Variants in AIM2 observed in about 807,000 individuals in gnomAD.
AIM2 encodes the protein interferon-inducible protein AIM2.
AIM2 carries 30 observed loss-of-function variants against 27.7 expected under a neutral mutation model. The observed-to-expected ratio is 1.08, with a 90% CI of 0.81 to 1.47. The LOEUF is 1.47. AIM2 is among the 40% of genes most tolerant of loss of function. AIM2 has a pLI of 0.00. For missense variants in AIM2, 358 were observed against 411.3 expected (o/e 0.87, Z 1.12); for synonymous variants, 141 against 145.3 (o/e 0.97, Z 0.21).
intron 1 of AIM2, among the ~76,000 whole-genome samples, chr1:159,119,007 C>A (rs1274514577): frequency 6.6e-6 from 1 of 152,092 alleles, no homozygotes; most frequent in Non-Finnish European, 1.5e-5. Context: ...GTGCTTTGTT[C>A]CAGTCCCTAG....
intron 1 of AIM2, among the ~76,000 whole-genome samples, chr1:159,088,362 G>C (rs1656965719): frequency 6.6e-6 from 1 of 152,206 alleles, no homozygotes; most frequent in Non-Finnish European, 1.5e-5. Flanking sequence ...GGAGCTGCAT[G>C]AGTCAGCTGG....
the AIM2 span, among the ~76,000 whole-genome samples, chr1:159,057,252 T>C: frequency 6.7e-6 from 1 of 149,210 alleles, no homozygotes; most frequent in Non-Finnish European, 1.5e-5. Context: ...CTTGATTCCC[T>C]AGACCTAATT....
the AIM2 span, among the ~76,000 whole-genome samples, chr1:159,055,310 A>G: frequency 6.6e-6 from 1 of 152,190 alleles, no homozygotes; most frequent in African/African-American, 2.4e-5. Context: ...ATCAAGAATG[A>G]ACAGGCTGTG....
chr1:159,105,630 C>CT (rs750051768), intron 1 of AIM2, among the ~76,000 whole-genome samples: 1 of 152,148 alleles, frequency 6.6e-6, no homozygotes, highest in Non-Finnish European at 1.5e-5. Context: ...GTGTCCAGCT[C>CT]TTAGCAGAGA....
intron 1 of AIM2, among the ~76,000 whole-genome samples, chr1:159,109,357 T>A (rs778542191): frequency 6.6e-6 from 1 of 152,186 alleles, no homozygotes; most frequent in Non-Finnish European, 1.5e-5. Flanking sequence ...GCTAGCCACA[T>A]GTAAGAGAAT....
intron 1 of AIM2, among the ~76,000 whole-genome samples, chr1:159,139,458 T>C (rs185704080): frequency 6.6e-6 from 1 of 152,326 alleles, no homozygotes; most frequent in East Asian, 1.9e-4. Flanking sequence ...ATAGCCTCTA[T>C]ATTTGCACAG....
intron 1 of AIM2, among the ~76,000 whole-genome samples, chr1:159,134,012 T>C (rs759750153): frequency 6.8e-4 from 104 of 152,174 alleles, no homozygotes; most frequent in Non-Finnish European, 1.2e-3. Context: ...AGCTCCAAAC[T>C]GAACTCACCA....
At chr1:159,114,414 C>G (rs1023469129) in intron 1 of AIM2, among the ~76,000 whole-genome samples, 2 of 152,160 alleles carry the variant, frequency 1.3e-5, no homozygotes, top group Non-Finnish European at 2.9e-5. Context: ...CACTAGTGTA[C>G]TTCCAGTCTT....
At chr1:159,138,966 T>C (rs1273474040) in intron 1 of AIM2, among the ~76,000 whole-genome samples, 2 of 152,258 alleles carry the variant, frequency 1.3e-5, no homozygotes, top group Non-Finnish European at 2.9e-5. Context: ...ACAGTAATTA[T>C]GATATTCATA....
intron 1 of AIM2, among the ~76,000 whole-genome samples, chr1:159,112,257 T>C (rs1330885417): frequency 6.6e-6 from 1 of 152,054 alleles, no homozygotes; most frequent in Non-Finnish European, 1.5e-5. Context: ...AGCCGCCAAA[T>C]ACTAACCAAA....
upstream of AIM2, among the ~76,000 whole-genome samples, chr1:159,077,244 C>T (rs748777171): frequency 5.9e-5 from 9 of 152,170 alleles, no homozygotes; most frequent in Admixed American, 1.3e-4. Flanking sequence ...ATGTGGTTCA[C>T]GTACTATATG....
intron 1 of AIM2, among the ~76,000 whole-genome samples, chr1:159,138,347 T>C (rs951787071): frequency 1.3e-5 from 2 of 152,188 alleles, no homozygotes; most frequent in East Asian, 1.9e-4. Context: ...GAAATGCCCA[T>C]CCCCTAAATC....
chr1:159,092,456 C>T (rs1011333361), intron 1 of AIM2, among the ~76,000 whole-genome samples: 32 of 152,136 alleles, frequency 2.1e-4, no homozygotes, highest in South Asian at 4.1e-4. Flanking sequence ...CCCAGGCCCA[C>T]ATTATCAGAC....
At chr1:159,098,303 G>A (rs1397730779) in intron 1 of AIM2, among the ~76,000 whole-genome samples, 1 of 152,130 alleles carries the variant, frequency 6.6e-6, no homozygotes, top group Non-Finnish European at 1.5e-5. Context: ...ACAACAGAGA[G>A]CTATACAGAC....
Position 159,134,433 on chromosome 1 carries a change from A to G in AIM2, c.-16+5998T>C, listed in dbSNP as rs189407496. On this transcript the variant is annotated intron_variant, in intron 1 of 2. Transcript: ENST00000368129. ...TCCATTGTTTTTAGGATAAGGAGAGAAAAAGCTTACAGGGAATACAAGGCC... is the reference window on the plus strand; with the variant it reads ...TCCATTGTTTTTAGGATAAGGAGAGGAAAAGCTTACAGGGAATACAAGGCC... Among the ~76,000 whole-genome samples, 316 of 152,356 alleles carry G rather than the reference A, an allele frequency of 2.1e-3. 3 individuals carry two copies. Among genetic ancestry groups the G allele is most frequent in the African/African-American group, 7.0e-3 (290 of 41,578 alleles).
downstream of AIM2, among the ~76,000 whole-genome samples, chr1:159,058,135 C>T (rs1655716329): frequency 6.6e-6 from 1 of 152,174 alleles, no homozygotes; most frequent in African/African-American, 2.4e-5. Flanking sequence ...CAGCAGATCA[C>T]TTGAGGTCAG....
At chr1:159,103,006 T>A (rs1657348947) in intron 1 of AIM2, among the ~76,000 whole-genome samples, 2 of 152,184 alleles carry the variant, frequency 1.3e-5, no homozygotes, top group Admixed American at 1.3e-4. Flanking sequence ...TGGGAAGTTA[T>A]AGTTTGCCTC....
chr1:159,096,176 T>C (rs982499226), intron 1 of AIM2, among the ~76,000 whole-genome samples: 1 of 152,220 alleles, frequency 6.6e-6, no homozygotes, highest in African/African-American at 2.4e-5. Flanking sequence ...TGTCCCAGCC[T>C]TCTCCTTTGT....
chr1:159,083,737 A>G (rs1656835983), intron 1 of AIM2, among the ~76,000 whole-genome samples: 1 of 152,246 alleles, frequency 6.6e-6, no homozygotes, highest in African/African-American at 2.4e-5. Flanking sequence ...AAATATAATA[A>G]TATTTCAGAA....
Sources: gnomAD v4.1 joint callset for allele counts (sites outside exome capture counted in the v4.1 genomes callset) on GRCh38, gnomAD v4.1.1 for gene constraint, MANE v1.5 for transcripts, NCBI Gene and HGNC (gene_info 2026-07-23, HGNC 2026-07-21) for gene names.